Variants in ABCD2 observed in about 807,000 individuals in gnomAD.
ABCD2 encodes ATP-binding cassette sub-family D member 2.
ABCD2 carries 36 observed loss-of-function variants against 70.9 expected under a neutral mutation model. The ratio of observed to expected loss-of-function variants is 0.51; its 90% CI spans 0.39 to 0.67. The LOEUF is 0.67. Among genes scored for constraint, ABCD2 ranks in the 30% least tolerant of loss-of-function variants. ABCD2 has a pLI of 0.00. For synonymous variants in ABCD2, 304 were observed against 306.9 expected (o/e 0.99, Z 0.10); for missense variants, 729 against 890.2 (o/e 0.82, Z 2.30).
In ABCD2 at chr12:39,619,662, A is replaced by G. The variant is rs1942168780; in HGVS notation, c.-47T>C. ...CTTCCAAAAGAATTCGTTTTAAAAG[A>G]TCATGCTTCACAGAAATCCCCAGCA... On this transcript the variant is annotated 5_prime_UTR_variant, in exon 1 of 10. Transcript: ENST00000308666. The G allele has an allele frequency of 1.3e-6, 2 of 1,520,300 alleles. No individual in the cohort carries two copies. The highest frequency in any genetic ancestry group is 1.8e-6 in the Non-Finnish European group (2 of 1,122,838). 94.2% of individuals were successfully genotyped at this position (1,520,300 alleles called of 1,614,324 possible). A position where few individuals can be genotyped will look rare whatever the true frequency, so the allele number is the denominator to read the frequency against.
intron 2 of ABCD2, among the ~76,000 whole-genome samples, chr12:39,614,978 C>G (rs747233631): frequency 6.6e-6 from 1 of 151,836 alleles, no homozygotes; most frequent in African/African-American, 2.4e-5. Context: ...GTTTCACTTG[C>G]CTCAATGTGG....
At chr12:39,585,837 A>T (rs1370437888) in intron 7 of ABCD2, among the ~76,000 whole-genome samples, 1 of 152,170 alleles carries the variant, frequency 6.6e-6, no homozygotes, top group Admixed American at 6.6e-5. Flanking sequence ...TATGTCTGTC[A>T]TAGACTTTAC....
chr12:39,607,276 G>T (rs1294213299), intron 3 of ABCD2, among the ~76,000 whole-genome samples: 1 of 152,038 alleles, frequency 6.6e-6, no homozygotes, highest in Non-Finnish European at 1.5e-5. Flanking sequence ...CTTGACCCAA[G>T]GTCACATAAT....
intron 9 of ABCD2, among the ~76,000 whole-genome samples, chr12:39,564,389 G>C (rs1395699383): frequency 6.6e-6 from 1 of 152,214 alleles, no homozygotes; most frequent in African/African-American, 2.4e-5. Flanking sequence ...ATGATGATGA[G>C]CATTTCTTCA....
At chr12:39,563,593 G>A (rs1027502928) in intron 9 of ABCD2, among the ~76,000 whole-genome samples, 1 of 152,084 alleles carries the variant, frequency 6.6e-6, no homozygotes, top group African/African-American at 2.4e-5. Flanking sequence ...AAAGGAAAAA[G>A]ATAAATTGTT....
chr12:39,609,315 T>C (rs906117774), intron 2 of ABCD2, among the ~76,000 whole-genome samples: 1 of 152,178 alleles, frequency 6.6e-6, no homozygotes, highest in Non-Finnish European at 1.5e-5. Context: ...GGCAAGACAC[T>C]TACCTCTCCA....
intron 9 of ABCD2, among the ~76,000 whole-genome samples, chr12:39,569,588 C>T (rs1054184405): frequency 7.2e-5 from 11 of 152,282 alleles, no homozygotes; most frequent in African/African-American, 2.2e-4. Context: ...TGAGGCGATG[C>T]CTCGCCCTGC....
intron 8 of ABCD2, 94 bp from the exon 9 acceptor site, chr12:39,573,935 T>C: frequency 3.2e-6 from 4 of 1,262,660 alleles, no homozygotes; most frequent in South Asian, 3.3e-5. Flanking sequence ...ACAATTTTAA[T>C]GGAGCAAAAA....
chr12:39,586,083 TA>T, intron 7 of ABCD2, 68 bp downstream of exon 7: 1 of 1,419,726 alleles, frequency 7.0e-7, no homozygotes. Context: ...AACCACAGAC[TA>T]AATATATACC....
At chr12:39,531,899 C>T in the ABCD2 span, among the ~76,000 whole-genome samples, 4 of 152,236 alleles carry the variant, frequency 2.6e-5, no homozygotes, top group Non-Finnish European at 5.9e-5. Flanking sequence ...CTGAACGTTA[C>T]GTATTCCCAA....
intron 7 of ABCD2, among the ~76,000 whole-genome samples, chr12:39,580,657 A>G (rs1461810223): frequency 6.6e-6 from 1 of 152,130 alleles, no homozygotes; most frequent in Non-Finnish European, 1.5e-5. Flanking sequence ...CCATAGTTCC[A>G]CTGCTGGAGA....
chr12:39,565,612 C>A (rs975674314), intron 9 of ABCD2, among the ~76,000 whole-genome samples: 1 of 152,002 alleles, frequency 6.6e-6, no homozygotes, highest in African/African-American at 2.4e-5. Context: ...CTAATATAAT[C>A]CCCTTTATTT....
At chr12:39,558,448 G>C (rs1941202875) in intron 9 of ABCD2, among the ~76,000 whole-genome samples, 1 of 152,300 alleles carries the variant, frequency 6.6e-6, no homozygotes, top group South Asian at 2.1e-4. Context: ...CAGTTTGGCT[G>C]TTTCCTTACC....
chr12:39,568,369 A>C (rs1166248566), intron 9 of ABCD2, among the ~76,000 whole-genome samples: 1 of 152,000 alleles, frequency 6.6e-6, no homozygotes, highest in Non-Finnish European at 1.5e-5. Flanking sequence ...ACTTCATTTC[A>C]TTCATTTGAT....
chr12:39,549,575 C>A (rs967078910), downstream of ABCD2, among the ~76,000 whole-genome samples: 5 of 151,696 alleles, frequency 3.3e-5, no homozygotes, highest in East Asian at 9.6e-4. Flanking sequence ...TCCCATAGGA[C>A]CACACCCATA....
chr12:39,585,127 T>C (rs1442975500), intron 7 of ABCD2, among the ~76,000 whole-genome samples: 1 of 152,208 alleles, frequency 6.6e-6, no homozygotes, highest in Non-Finnish European at 1.5e-5. Flanking sequence ...GCCATTTTAA[T>C]GATATTGATT....
chr12:39,538,294 C>G, the ABCD2 span, among the ~76,000 whole-genome samples: 566 of 151,804 alleles, frequency 3.7e-3, 4 homozygotes, highest in Non-Finnish European at 3.9e-3. Flanking sequence ...CTCAGCCTCC[C>G]GAGTAGCTAG....
chr12:39,606,496 G>A (rs575401075), intron 3 of ABCD2, among the ~76,000 whole-genome samples: 1 of 152,262 alleles, frequency 6.6e-6, no homozygotes, highest in Non-Finnish European at 1.5e-5. Flanking sequence ...AACCTAGATA[G>A]CACAATATTT....
At chr12:39,575,459 G>C (rs752983029) in intron 8 of ABCD2, among the ~76,000 whole-genome samples, 1 of 152,124 alleles carries the variant, frequency 6.6e-6, no homozygotes, top group Non-Finnish European at 1.5e-5. Flanking sequence ...TCTCAGATTT[G>C]CTTTCCTTTT....
Sources: allele counts gnomAD v4.1 joint callset (sites outside exome capture counted in the v4.1 genomes callset), GRCh38; gene constraint gnomAD v4.1.1; transcripts MANE v1.5; gene names NCBI Gene and HGNC (gene_info 2026-07-23, HGNC 2026-07-21).